The following SNX24 variants were observed in gnomAD, a reference collection of about 807,000 sequenced individuals.
SNX24 encodes sorting nexin-24.
A neutral mutation model predicts 28.7 loss-of-function variants in SNX24; 22 were observed. The ratio of observed to expected loss-of-function variants is 0.77; its 90% CI spans 0.55 to 1.10. The LOEUF is 1.10. SNX24 is among the 50% of genes least tolerant of loss of function. The pLI, the probability that SNX24 is intolerant of heterozygous loss-of-function variation, is 0.00. For missense variants in SNX24, 221 were observed against 201.1 expected (o/e 1.10, Z -0.60); for synonymous variants, 69 against 71.5 (o/e 0.96, Z 0.18).
At chr5:122,959,882 A>T (rs998765993) in intron 3 of SNX24, among the ~76,000 whole-genome samples, 1 of 152,166 alleles carries the variant, frequency 6.6e-6, no homozygotes, top group African/African-American at 2.4e-5. Context: ...CTCTACATAG[A>T]GGCTTAATGA....
intron 1 of SNX24, among the ~76,000 whole-genome samples, chr5:122,871,961 C>T (rs929375928): frequency 1.3e-5 from 2 of 151,728 alleles, no homozygotes; most frequent in Non-Finnish European, 2.9e-5. Flanking sequence ...TCCCTTTTCT[C>T]GTAAGGATCT....
chr5:122,889,614 T>C (rs138160421), intron 1 of SNX24, among the ~76,000 whole-genome samples: 3,099 of 74,680 alleles, frequency 0.041, 47 homozygotes, highest in Non-Finnish European at 0.047. Context: ...TATACACACA[T>C]ATATATATAC....
At chr5:122,992,301 G>A (rs1025692467) in intron 3 of SNX24, among the ~76,000 whole-genome samples, 1 of 152,118 alleles carries the variant, frequency 6.6e-6, no homozygotes. Context: ...AAATCAGATT[G>A]TGTCATGTAC....
chr5:122,999,865 C>G, intron 3 of SNX24, 47 bp from the exon 4 acceptor site: 1 of 1,108,728 alleles, frequency 9.0e-7, no homozygotes, highest in Non-Finnish European at 1.4e-6. Context: ...GATTGATCAC[C>G]TAGCAAACTT....
intron 3 of SNX24, among the ~76,000 whole-genome samples, chr5:122,982,522 G>A (rs1261218758): frequency 6.6e-6 from 1 of 152,192 alleles, no homozygotes; most frequent in Non-Finnish European, 1.5e-5. Context: ...AGGGCATGCT[G>A]TCAACAAATT....
downstream of SNX24, among the ~76,000 whole-genome samples, chr5:123,011,021 CT>C (rs1190077673): frequency 6.6e-6 from 1 of 152,126 alleles, no homozygotes; most frequent in Non-Finnish European, 1.5e-5. Flanking sequence ...GCCCATATTG[CT>C]CTACAGGTTG....
intron 1 of SNX24, among the ~76,000 whole-genome samples, chr5:122,863,150 T>G (rs1755555512): frequency 6.6e-6 from 1 of 151,984 alleles, no homozygotes; most frequent in Non-Finnish European, 1.5e-5. Context: ...TCTTAGATAG[T>G]TGTAAGCACT....
intron 2 of SNX24, 57 bp from the exon 3 acceptor site, chr5:122,945,998 A>G (rs1759664091): frequency 4.3e-6 from 4 of 922,606 alleles, no homozygotes; most frequent in South Asian, 1.8e-5. Context: ...TATCACTATA[A>G]TTAACAGACA....
intron 1 of SNX24, among the ~76,000 whole-genome samples, chr5:122,869,392 T>G (rs891291509): frequency 3.9e-5 from 6 of 152,222 alleles, no homozygotes; most frequent in African/African-American, 1.2e-4. Context: ...CTGACGTTGA[T>G]TCAGATACCA....
intron 1 of SNX24, among the ~76,000 whole-genome samples, chr5:122,914,733 G>A (rs1024032241): frequency 2.2e-4 from 34 of 151,130 alleles, no homozygotes; most frequent in Admixed American, 1.5e-3. Context: ...CTGTGGGATC[G>A]GTGGTGATAT....
chr5:122,855,688 A>G lies in SNX24; in HGVS notation c.60+9995A>G, dbSNP rs76921105. ...ATCAGCTAAGTCTGTGTAATGTTCT[A>G]TATCCTTTGTTGTCATTTCAACAGT... On this transcript the variant is annotated intron_variant, in intron 1 of 6. Transcript: ENST00000261369. Among the ~76,000 whole-genome samples the G allele has an allele frequency of 9.1e-3, 1,386 of 152,248 alleles. 10 individuals carry two copies. Among genetic ancestry groups the G allele is most frequent in the Non-Finnish European group, 0.015 (1,049 of 68,010 alleles).
At chr5:122,857,609 G>A (rs1044930580) in intron 1 of SNX24, among the ~76,000 whole-genome samples, 4 of 151,902 alleles carry the variant, frequency 2.6e-5, no homozygotes, top group Non-Finnish European at 5.9e-5. Flanking sequence ...CCCTCTATGT[G>A]TCCATGTCTT....
intron 1 of SNX24, 42 bp downstream of exon 1, chr5:122,845,735 C>G: frequency 8.1e-7 from 1 of 1,240,648 alleles, no homozygotes; most frequent in Non-Finnish European, 1.0e-6. Flanking sequence ...GCGAGCCAGG[C>G]CTGCGGCTGC....
rs899315300 is a variant in SNX24 at position 122,921,163 on chromosome 5, A to G, written c.61-15571A>G. Among the ~76,000 whole-genome samples, 23 of 151,012 alleles carry G rather than the reference A, an allele frequency of 1.5e-4. 1 individual carries two copies. In the East Asian group the frequency reaches 1.9e-3, roughly 13 times the overall value. On this transcript the variant is annotated intron_variant, in intron 1 of 6. Transcript: ENST00000261369. ...ACTCTGTAGCCTGCTTTTTTTTTTTAACTTTAACAAAAGCATATCTTTCCT... is the reference window on the plus strand; with the variant it reads ...ACTCTGTAGCCTGCTTTTTTTTTTTGACTTTAACAAAAGCATATCTTTCCT...
At chr5:123,028,260 C>T (rs1190007842) in intron 5 of SNX24, among the ~76,000 whole-genome samples, 2 of 152,142 alleles carry the variant, frequency 1.3e-5, no homozygotes, top group Non-Finnish European at 1.5e-5. Context: ...CAGGTTAAAT[C>T]TTAAAAGTTC....
chr5:122,928,336 C>T (rs1280029431), intron 1 of SNX24, among the ~76,000 whole-genome samples: 3 of 152,140 alleles, frequency 2.0e-5, no homozygotes, highest in African/African-American at 7.2e-5. Context: ...ACACCATAAT[C>T]CCCAGAACCT....
intron 1 of SNX24, among the ~76,000 whole-genome samples, chr5:122,887,994 A>C (rs921925316): frequency 5.3e-5 from 8 of 151,900 alleles, no homozygotes; most frequent in Non-Finnish European, 1.0e-4. Context: ...GAGCCACCGC[A>C]CTCGGCCTAT....
chr5:122,929,925 A>G (rs1400538181), intron 1 of SNX24, among the ~76,000 whole-genome samples: 3 of 151,930 alleles, frequency 2.0e-5, no homozygotes, highest in East Asian at 1.9e-4. Context: ...ATGTGTATAT[A>G]ATAAACCATT....
chr5:122,879,144 G>C (rs1756364747), intron 1 of SNX24, among the ~76,000 whole-genome samples: 1 of 152,028 alleles, frequency 6.6e-6, no homozygotes, highest in East Asian at 1.9e-4. Context: ...TTATTAATGA[G>C]ACCACTTGTT....
Sources: allele counts gnomAD v4.1 joint callset (sites outside exome capture counted in the v4.1 genomes callset), GRCh38; gene constraint gnomAD v4.1.1; transcripts MANE v1.5; gene names NCBI Gene and HGNC (gene_info 2026-07-23, HGNC 2026-07-21).